FLNA: variants seen among roughly 807,000 people sequenced by gnomAD.
FLNA encodes filamin A.
In FLNA, 7 loss-of-function variants were observed where a neutral mutation model predicts 157.6. That is an observed-to-expected ratio of 0.04 (90% CI 0.03 to 0.08). The LOEUF (loss-of-function observed/expected upper bound fraction) is 0.08, where lower values mean the gene tolerates loss of function less well. FLNA is among the 10% of genes least tolerant of loss of function. FLNA has a pLI of 1.00. For synonymous variants in FLNA, 1,103 were observed against 1,060.8 expected, an observed-to-expected ratio of 1.04 and a Z score of -0.77; for missense variants, 1,750 against 2,398.4, an observed-to-expected ratio of 0.73 and a Z score of 5.65.
Position 154,353,669 on chromosome X carries a change from G to A in FLNA, c.5745C>T (p.Asn1915=). ...AGGACACGCTGCATGTCCCATCCTGGTTGTCAGTGCAGCTGATTTCTGCTT... is the reference window on the plus strand; with the variant it reads ...AGGACACGCTGCATGTCCCATCCTGATTGTCAGTGCAGCTGATTTCTGCTT... ...PSKAEISCTD[N]QDGTCSVSYL... Residue 1915 remains asparagine (N), a synonymous_variant, in exon 36 of 48, where the codon AAC becomes AAT. Transcript: ENST00000369850. 8.3e-7 allele frequency: 1 copy of A among 1,211,701 alleles called. No individual in the cohort carries two copies. The highest frequency in any genetic ancestry group is 1.1e-6 in the Non-Finnish European group (1 of 895,306).
intron 28 of FLNA, 98 bp from the exon 29 acceptor site, chrX:154,357,721 A>G (rs1473759305): frequency 2.5e-6 from 2 of 802,637 alleles, no homozygotes; most frequent in Admixed American, 5.1e-5. Context: ...TGCTACAGGG[A>G]CAGTCTCTGG....
chrX:154,355,228 G>C (rs1020689133), intron 30 of FLNA, among the ~76,000 whole-genome samples, 156 bp from the exon 31 acceptor site: 3 of 113,517 alleles, frequency 2.6e-5, no homozygotes, highest in African/African-American at 9.6e-5. Context: ...CTCCAAGCTG[G>C]GATGGCGAGT....
intron 42 of FLNA, 45 bp downstream of exon 42, chrX:154,351,839 A>T (rs782292599): frequency 8.3e-7 from 1 of 1,203,544 alleles, no homozygotes; most frequent in Admixed American, 2.2e-5. Flanking sequence ...TCCAATACCC[A>T]CACTCAGGCC....
intron 9 of FLNA, among the ~76,000 whole-genome samples, chrX:154,365,765 CAG>C (rs1170197050): frequency 9.1e-6 from 1 of 110,213 alleles, no homozygotes; most frequent in Admixed American, 9.5e-5. Context: ...GTGGGCAGAG[CAG>C]AGAGCAGCAG....
chrX:154,373,619 C>T (rs1292776461), intron 1 of FLNA, among the ~76,000 whole-genome samples: 5 of 112,881 alleles, frequency 4.4e-5, no homozygotes, highest in Non-Finnish European at 9.4e-5. Context: ...CAGACCCTCC[C>T]ACTGGGAGGT....
rs781793192 is a variant in FLNA, at chrX:154,354,852, G to A, written c.5190C>T (p.His1730=). Residue 1730 remains histidine (H), a synonymous_variant, in exon 31 of 48, where the codon CAC becomes CAT. Coordinates refer to ENST00000369850, the MANE Select transcript of FLNA (RefSeq NM_001110556.2). The stretch of plus-strand genomic sequence containing the variant: ...TCACTTGGAAGGGGCTGTTGGGCAC[G>A]TGCTCGCCACCAAAGCGCACACAGA... ...YVICVRFGGE[H]VPNSPFQVTA... is the part of the protein sequence containing the mutation. 23 of 1,210,875 alleles carry A rather than the reference G, an allele frequency of 1.9e-5. No homozygotes were observed. In the Admixed American group the frequency reaches 2.2e-4, roughly 11 times the overall value.
intron 18 of FLNA, 32 bp downstream of exon 18, chrX:154,362,210 C>T (rs1243102478): frequency 8.3e-7 from 1 of 1,206,593 alleles, no homozygotes; most frequent in Non-Finnish European, 1.1e-6. Flanking sequence ...CCCTTGATGC[C>T]CCGCAACCTG....
Position 154,351,629 on chromosome X carries a change from C to T in FLNA, c.6975G>A (p.Val2325=). 1 of 1,209,789 alleles carries T rather than the reference C, an allele frequency of 8.3e-7. No homozygotes were observed. The highest frequency in any genetic ancestry group is 1.1e-6 in the Non-Finnish European group (1 of 893,654). The part of the protein sequence containing the change: ...HIPDSPFVVP[V]ASPSGDARRL... The stretch of plus-strand genomic sequence containing the variant: ...GGCGGGCGTCGCCAGACGGAGAAGC[C>T]ACAGGCACCACGAAGGGGCTGTCGG... The change falls in exon 43 of 48, where the codon GTG becomes GTA. Residue 2325 remains valine, a synonymous_variant. Coordinates refer to ENST00000369850, the MANE Select transcript of FLNA (RefSeq NM_001110556.2).
rs781938750 is a variant in FLNA, at chrX:154,354,945, G to A, written c.5097C>T (p.Asp1699=). The change falls in exon 31 of 48, where the codon GAC becomes GAT. Residue 1699 remains aspartate, a synonymous_variant. Coordinates refer to ENST00000369850, the MANE Select transcript of FLNA (RefSeq NM_001110556.2). The part of the protein sequence containing the change: ...CTPDGSEVDV[D]VVENEDGTFD... Reference sequence around the variant, plus strand: ...AAGTGCCGTCCTCATTCTCCACCACGTCCACATCCACCTCTGAGCCATCAG... The same window carrying A: ...AAGTGCCGTCCTCATTCTCCACCACATCCACATCCACCTCTGAGCCATCAG... 23 of 1,211,181 alleles carry A rather than the reference G, an allele frequency of 1.9e-5. No individual in the cohort carries two copies. The highest frequency in any genetic ancestry group is 5.3e-5 in the South Asian group (3 of 56,982).
chrX:154,357,228 A>T (rs1557176999), intron 30 of FLNA, 23 bp downstream of exon 30: 1 of 1,200,296 alleles, frequency 8.3e-7, no homozygotes, highest in Non-Finnish European at 1.1e-6. Context: ...GGGCATTGGG[A>T]GTGGCCCCAG....
intron 2 of FLNA, among the ~76,000 whole-genome samples, chrX:154,369,431 C>T (rs1185578093): frequency 1.8e-5 from 2 of 112,389 alleles, no homozygotes; most frequent in Non-Finnish European, 3.8e-5. Context: ...CCGTCCCCAT[C>T]CCCCTCCCAA....
chrX:154,348,782 G>A lies in FLNA; in HGVS notation c.*67C>T. The stretch of plus-strand genomic sequence containing the variant: ...GGGCGGCCTGGGCCGGGGTTGAGGG[G>A]AAGAGGGCGGGGCTGCTTGGGTAGC... On this transcript the variant is annotated 3_prime_UTR_variant, in exon 48 of 48. Transcript: ENST00000369850. The A allele has an allele frequency of 9.3e-7, 1 of 1,073,600 alleles. No individual in the cohort carries two copies. Among genetic ancestry groups the A allele is most frequent in the Non-Finnish European group, 1.3e-6 (1 of 788,901 alleles). 88.5% of individuals were successfully genotyped at this position (1,073,600 alleles called of 1,213,427 possible).
Position 154,352,783 on chromosome X carries a change from T to C in FLNA, c.6368A>G (p.Gln2123Arg). The C allele has an allele frequency of 4.1e-6, 5 of 1,212,158 alleles. No homozygotes were observed. In the South Asian group the frequency reaches 8.8e-5, roughly 21 times the overall value. The change falls in exon 39 of 48, where the codon CAG becomes CGG. Residue 2123 changes from glutamine (Q) to arginine (R), a missense_variant. By Grantham distance (43) the Gln-to-Arg change is conservative (BLOSUM62 1). Around this residue, in one of 5 missense-constraint regions of FLNA, gnomAD observed 970 missense variants for 1,302.6 expected, o/e 0.74. Transcript: ENST00000369850. ...NYIINIKFAD[Q>R]HVPGSPFSVK... ...ACTGCTGCACTCACCAGGCACGTGC[T>C]GGTCGGCAAACTTGATGTTGATGAT...
rs782037353 is a variant in FLNA, at chrX:154,357,570, C to A, written c.4809G>T (p.Thr1603=). The A allele has an allele frequency of 2.1e-5, 25 of 1,210,913 alleles. No homozygotes were observed. Among genetic ancestry groups the A allele is most frequent in the Non-Finnish European group, 2.8e-5 (25 of 895,215 alleles). The change falls in exon 29 of 48, where the codon ACG becomes ACT. Residue 1603 remains threonine, a synonymous_variant. Coordinates refer to ENST00000369850, the MANE Select transcript of FLNA (RefSeq NM_001110556.2). ...CGTCTGGCACGTAGGCCACTGTATA[C>A]GTGCCGTCATGGTTGTCTTGGATGT... The part of the protein sequence containing the change: ...KTHIQDNHDG[T]YTVAYVPDVT...
intron 41 of FLNA, 80 bp from the exon 42 acceptor site, chrX:154,352,101 C>G: frequency 8.3e-7 from 1 of 1,207,693 alleles, no homozygotes; most frequent in South Asian, 1.8e-5. Flanking sequence ...GGTAGACATG[C>G]CTGCCGGCTC....
chrX:154,366,183 T>C lies in FLNA; in HGVS notation c.1270A>G (p.Met424Val), dbSNP rs782066542. ...GEVEVVIQDPMGQKGTVEPQL... is the reference protein window; with the variant it reads ...GEVEVVIQDPVGQKGTVEPQL... Reference sequence around the variant, plus strand: ...GGCTCTACCGTGCCCTTCTGTCCCATGGGGTCCTGGATCACAACCTCGACC... The same window carrying C: ...GGCTCTACCGTGCCCTTCTGTCCCACGGGGTCCTGGATCACAACCTCGACC... The change falls in exon 9 of 48, where the codon ATG becomes GTG. Residue 424 changes from methionine to valine, a missense_variant. Around this residue, in one of 5 missense-constraint regions of FLNA, gnomAD observed 648 missense variants for 805.8 expected, o/e 0.80. Coordinates refer to ENST00000369850, the MANE Select transcript of FLNA (RefSeq NM_001110556.2). The C allele has an allele frequency of 8.3e-6, 10 of 1,209,525 alleles. No homozygotes were observed. The highest frequency in any genetic ancestry group is 3.0e-5 in the East Asian group (1 of 33,771).
At chrX:154,356,033 G>A (rs1047042552) in intron 30 of FLNA, among the ~76,000 whole-genome samples, 44 of 112,370 alleles carry the variant, frequency 3.9e-4, no homozygotes, top group African/African-American at 7.1e-4. Flanking sequence ...CTGGCCTGCC[G>A]CGGCCAGGCA....
rs1557176501 is a variant in FLNA at position 154,354,631 on chromosome X, G to T, written c.5298C>A (p.Gly1766=). The T allele has an allele frequency of 8.3e-7, 1 of 1,202,791 alleles. No individual in the cohort carries two copies. The highest frequency in any genetic ancestry group is 1.1e-6 in the Non-Finnish European group (1 of 890,919). The part of the protein sequence containing the change: ...QLAPQYTYAQ[G]GQQTWAPERP... ...CAGGCCGTACCCAAGTCTGCTGGCC[G>T]CCCTGGGCGTAGGTGTACTGTGGGG... is the stretch of plus-strand genomic sequence containing the variant. Residue 1766 remains glycine, a synonymous_variant, in exon 32 of 48, where the codon GGC becomes GGA. Transcript: ENST00000369850.
intron 13 of FLNA, 43 bp downstream of exon 13, chrX:154,364,483 G>A (rs1603362320): frequency 3.3e-6 from 4 of 1,198,439 alleles, no homozygotes; most frequent in Admixed American, 2.2e-5. Context: ...CCCCAAGCAG[G>A]AGCAGCAGGG....
Sources: allele counts gnomAD v4.1 joint callset (sites outside exome capture counted in the v4.1 genomes callset), GRCh38; gene constraint gnomAD v4.1.1; regional missense constraint gnomAD v4.1.1; transcripts MANE v1.5; gene names NCBI Gene and HGNC (gene_info 2026-07-23, HGNC 2026-07-21).